Variants in COL19A1 observed in about 807,000 individuals in gnomAD.
COL19A1 encodes the protein collagen type XIX alpha 1 chain.
Under a neutral mutation model 190.2 loss-of-function variants are expected in COL19A1, and 159 were observed. The observed-to-expected ratio is 0.84, with a 90% confidence interval of 0.73 to 0.95. COL19A1 has a LOEUF of 0.95. Ranked by LOEUF, COL19A1 falls within the 40% of genes least tolerant of loss-of-function variation. The pLI is 0.00. For missense variants in COL19A1, 1,418 were observed against 1,431.9 expected (o/e 0.99, Z 0.16); for synonymous variants, 509 against 458.9 (o/e 1.11, Z -1.39).
At position 70,188,210 on chromosome 6, in the gene COL19A1, G is replaced by A. The variant is rs1370116379; in HGVS notation, c.2992G>A (p.Gly998Ser). 1.2e-6 allele frequency: 2 copies of A among 1,611,990 alleles called. No individual in the cohort carries two copies. Among genetic ancestry groups the A allele is most frequent in the African/African-American group, 2.7e-5 (2 of 74,832 alleles). Residue 998 changes from glycine to serine, a missense_variant, in exon 47 of 51, where the codon GGC (glycine) becomes AGC (serine). Gly to Ser is a moderately conservative substitution (Grantham distance 56, BLOSUM62 0). Transcript: ENST00000620364. Reference sequence around the variant, plus strand: ...CTCCATGGGATCCCCTGGCCACCAAGGCCCTCCAGGCTCTCCAGGCATCCC... The same window carrying A: ...CTCCATGGGATCCCCTGGCCACCAAAGCCCTCCAGGCTCTCCAGGCATCCC... The part of the protein sequence containing the change: ...KGSMGSPGHQ[G>S]PPGSPGIPGI...
chr6:70,202,191 T>A (rs1489067636), intron 49 of COL19A1, among the ~76,000 whole-genome samples: 1 of 152,228 alleles, frequency 6.6e-6, no homozygotes, highest in East Asian at 1.9e-4. Context: ...CAGTGTGTTC[T>A]GCCACTCATT....
intron 15 of COL19A1, among the ~76,000 whole-genome samples, chr6:70,090,950 G>A (rs1562163187): frequency 6.6e-6 from 1 of 152,080 alleles, no homozygotes; most frequent in Admixed American, 6.6e-5. Flanking sequence ...GATGCACCTG[G>A]ATGCTCTTTC....
Position 69,930,939 on chromosome 6 carries a change from G to A in COL19A1, c.666+1239G>A, listed in dbSNP as rs1042321723. On this transcript the variant is annotated intron_variant, in intron 6 of 50. Transcript: ENST00000620364. The stretch of plus-strand genomic sequence containing the variant: ...TTTCATAATTTCATGTGGATTCTTG[G>A]TTCATTTGAGGATAAACTTGAAGGC... 9.9e-5 allele frequency among the ~76,000 whole-genome samples: 15 copies of A among 152,256 alleles called. 1 individual carries two copies. The highest frequency in any genetic ancestry group is 6.5e-4 in the Admixed American group (10 of 15,286).
At position 70,178,768 on chromosome 6, in the gene COL19A1, C is replaced by T. The variant is rs375491861; in HGVS notation, c.2668-1544C>T. 2.0e-4 allele frequency among the ~76,000 whole-genome samples: 30 copies of T among 152,194 alleles called. 1 individual carries two copies. The highest frequency in any genetic ancestry group is 3.4e-4 in the Non-Finnish European group (23 of 68,030). ...GGACCCAATCCTGCTCTTCCTAGAACGGACCGGTCTATCCCTTTCCTGTAT... is the reference window on the plus strand; with the variant it reads ...GGACCCAATCCTGCTCTTCCTAGAATGGACCGGTCTATCCCTTTCCTGTAT... On this transcript the variant is annotated intron_variant, in intron 42 of 50. Coordinates refer to ENST00000620364, the MANE Select transcript of COL19A1 (RefSeq NM_001858.6).
intron 11 of COL19A1, among the ~76,000 whole-genome samples, chr6:69,964,946 A>G (rs999847288): frequency 2.0e-5 from 3 of 152,200 alleles, no homozygotes; most frequent in Admixed American, 6.5e-5. Context: ...AGCATGCTAC[A>G]TATTCTGACC....
intron 15 of COL19A1, among the ~76,000 whole-genome samples, chr6:70,097,567 G>A (rs1347607160): frequency 1.3e-5 from 2 of 151,722 alleles, no homozygotes; most frequent in Admixed American, 1.3e-4. Flanking sequence ...TTTTAAAACA[G>A]CCCTCCAGGT....
Position 70,178,662 on chromosome 6 carries a change from G to A in COL19A1, c.2668-1650G>A, listed in dbSNP as rs901751069. On this transcript the variant is annotated intron_variant, in intron 42 of 50. Coordinates refer to ENST00000620364, the MANE Select transcript of COL19A1 (RefSeq NM_001858.6). ...TTTACCATGATAAAAATTTTTTTTC[G>A]AAAAATGGTGATTGTTCTAGTTGAA... Among the ~76,000 whole-genome samples, 18 of 151,764 alleles carry A rather than the reference G, an allele frequency of 1.2e-4. No individual in the cohort carries two copies. In the East Asian group the frequency reaches 1.6e-3, roughly 13 times the overall value.
chr6:69,929,083 A>G (rs1327506430), intron 5 of COL19A1, among the ~76,000 whole-genome samples: 1 of 151,868 alleles, frequency 6.6e-6, no homozygotes, highest in Non-Finnish European at 1.5e-5. Flanking sequence ...ATCTTATAAA[A>G]TTTTATCTAT....
chr6:69,985,699 C>T (rs768954567), intron 11 of COL19A1, among the ~76,000 whole-genome samples: 1 of 151,998 alleles, frequency 6.6e-6, no homozygotes, highest in African/African-American at 2.4e-5. Flanking sequence ...GAAAATTTTC[C>T]TTATTTCAAA....
rs528437746 is a variant in COL19A1 at position 70,191,829 on chromosome 6, T to G, written c.3094+1448T>G. ...GTTGAATTTTTTTAAGGAATAAGAT[T>G]ATAAGATGCCCCAAGTCGATCTTGA... On this transcript the variant is annotated intron_variant, in intron 48 of 50. Transcript: ENST00000620364. Among the ~76,000 whole-genome samples the G allele has an allele frequency of 4.6e-5, 7 of 152,278 alleles. No homozygotes were observed. In the South Asian group the frequency reaches 1.5e-3, roughly 32 times the overall value.
chr6:70,118,065 C>G (rs1472962988), intron 16 of COL19A1, among the ~76,000 whole-genome samples: 7 of 152,174 alleles, frequency 4.6e-5, no homozygotes, highest in Admixed American at 3.3e-4. Flanking sequence ...TCTACACCAC[C>G]ATGTGATGCC....
chr6:70,119,940 A>C (rs1784790057), intron 16 of COL19A1, among the ~76,000 whole-genome samples: 2 of 152,064 alleles, frequency 1.3e-5, no homozygotes, highest in Non-Finnish European at 2.9e-5. Flanking sequence ...AAAATACAAA[A>C]ATTAGCCAGG....
Position 70,174,571 on chromosome 6 carries a change from A to ACC in COL19A1, c.2623-1948_2623-1947insCC, listed in dbSNP as rs1765695261. ...CCAGACTCCGTCTCAAAAAAAAAAA[A>ACC]CAAAAAAAACAGGACTACATGTGCT... is the stretch of plus-strand genomic sequence containing the variant. On this transcript the variant is annotated intron_variant, in intron 41 of 50. Transcript: ENST00000620364. Among the ~76,000 whole-genome samples, 4 of 151,510 alleles carry ACC rather than the reference A, an allele frequency of 2.6e-5. No individual in the cohort carries two copies. In the South Asian group the frequency reaches 6.2e-4, roughly 24 times the overall value.
In COL19A1 at chr6:70,033,996, A is replaced by G. The variant is rs190658704; in HGVS notation, c.1081-249A>G. ...ATTCTCCCAGATGGTGAATTAATGT[A>G]ATTTTAGCAGGAAGCAAAGTTGCAC... is the stretch of plus-strand genomic sequence containing the variant. On this transcript the variant is annotated intron_variant, in intron 12 of 50. Coordinates refer to ENST00000620364, the MANE Select transcript of COL19A1 (RefSeq NM_001858.6). 1.2e-4 allele frequency among the ~76,000 whole-genome samples: 18 copies of G among 152,262 alleles called. No individual in the cohort carries two copies. In the East Asian group the frequency reaches 3.3e-3, roughly 28 times the overall value.
intron 11 of COL19A1, among the ~76,000 whole-genome samples, chr6:69,972,310 T>C (rs1775473473): frequency 6.6e-6 from 1 of 152,242 alleles, no homozygotes; most frequent in African/African-American, 2.4e-5. Flanking sequence ...TACCACAATT[T>C]ATAATTATAA....
At chr6:70,144,801 G>A in intron 24 of COL19A1, 117 bp from the exon 25 acceptor site, 1 of 692,098 alleles carries the variant, frequency 1.4e-6, no homozygotes, top group South Asian at 1.6e-5. Flanking sequence ...GTGAGTGAGT[G>A]AATGAATGAA....
chr6:69,894,586 A>G (rs1769587930), intron 2 of COL19A1, among the ~76,000 whole-genome samples: 1 of 152,214 alleles, frequency 6.6e-6, no homozygotes. Flanking sequence ...CTCTTTTGAC[A>G]GGCATTAAAC....
intron 2 of COL19A1, among the ~76,000 whole-genome samples, chr6:69,894,824 A>C (rs916602274): frequency 6.6e-6 from 1 of 152,234 alleles, no homozygotes; most frequent in African/African-American, 2.4e-5. Context: ...GATTGGCCAC[A>C]GCCCAAGACT....
chr6:70,189,841 T>G (rs1616745), intron 47 of COL19A1, among the ~76,000 whole-genome samples: 115,954 of 152,136 alleles, frequency 0.76, 45,047 homozygotes, highest in African/African-American at 0.91. Context: ...CAACATTTTT[T>G]AAAATAATCC....
Sources: allele counts gnomAD v4.1 joint callset (sites outside exome capture counted in the v4.1 genomes callset), GRCh38; gene constraint gnomAD v4.1.1; transcripts MANE v1.5; gene names NCBI Gene and HGNC (gene_info 2026-07-23, HGNC 2026-07-21).